The following MANBA variants were observed in gnomAD, a reference collection of about 807,000 sequenced individuals.
MANBA encodes mannosidase beta.
Under a neutral mutation model 111.1 loss-of-function variants are expected in MANBA, and 83 were observed. The ratio of observed to expected loss-of-function variants is 0.75; its 90% CI spans 0.63 to 0.90. MANBA has a LOEUF of 0.90. Among genes scored for constraint, MANBA ranks in the 40% least tolerant of loss-of-function variants. The pLI, the probability that MANBA is intolerant of heterozygous loss-of-function variation, is 0.00. For missense variants in MANBA, 1,036 were observed against 1,069.0 expected, an observed-to-expected ratio of 0.97 and a Z score of 0.43; for synonymous variants, 370 against 378.7, an observed-to-expected ratio of 0.98 and a Z score of 0.27.
At chr4:102,653,006 T>G (rs1730404044) in intron 12 of MANBA, among the ~76,000 whole-genome samples, 1 of 152,174 alleles carries the variant, frequency 6.6e-6, no homozygotes, top group Non-Finnish European at 1.5e-5. Flanking sequence ...CCAAATCTAA[T>G]GCAGTCTAGC....
chr4:102,754,641 C>A (rs966232736), intron 1 of MANBA, among the ~76,000 whole-genome samples: 2 of 151,840 alleles, frequency 1.3e-5, no homozygotes, highest in African/African-American at 4.8e-5. Context: ...ATTGCAAGCT[C>A]CACCTCCCGG....
intron 12 of MANBA, among the ~76,000 whole-genome samples, chr4:102,651,063 T>C (rs1310460905): frequency 6.6e-6 from 1 of 151,942 alleles, no homozygotes; most frequent in Admixed American, 6.6e-5. Context: ...AAACATTTTA[T>C]CTAGTATTCG....
At chr4:102,683,024 T>C (rs1482095904) in intron 7 of MANBA, 2 of 152,204 alleles carry the variant, frequency 1.3e-5, no homozygotes, top group African/African-American at 2.4e-5. Flanking sequence ...CCTAATTCCA[T>C]ATCTTTGGCT....
intron 13 of MANBA, among the ~76,000 whole-genome samples, chr4:102,649,761 A>G (rs1730250899): frequency 6.6e-6 from 1 of 152,118 alleles, no homozygotes; most frequent in African/African-American, 2.4e-5. Context: ...TAATTTATCA[A>G]TACTTTCTTT....
At chr4:102,753,519 A>G (rs1723887151) in intron 1 of MANBA, among the ~76,000 whole-genome samples, 1 of 152,174 alleles carries the variant, frequency 6.6e-6, no homozygotes, top group Admixed American at 6.5e-5. Context: ...AATTCTTCAA[A>G]TCATGAGTTA....
At position 102,690,787 on chromosome 4, in the gene MANBA, A is replaced by G. The variant is rs1473653963; in HGVS notation, c.674-16T>C. On this transcript the variant is annotated splice_polypyrimidine_tract_variant and intron_variant, in intron 5 of 16. Transcript: ENST00000647097. ...GCACTCTTATCTAAAATATAAAAAG[A>G]AAAAGAAATATATATATATATATAT... The G allele has an allele frequency of 4.7e-6, 5 of 1,060,598 alleles. No homozygotes were observed. The highest frequency in any genetic ancestry group is 5.3e-6 in the Non-Finnish European group (4 of 750,202). The allele number at this position is 1,060,598 out of a possible 1,614,324, so 65.7% of individuals were successfully genotyped here.
chr4:102,689,592 A>G lies in MANBA; in HGVS notation c.942T>C (p.Asn314=). The G allele has an allele frequency of 6.3e-7, 1 of 1,598,298 alleles. No individual in the cohort carries two copies. Among genetic ancestry groups the G allele is most frequent in the Non-Finnish European group, 8.6e-7 (1 of 1,167,888 alleles). The change falls in exon 7 of 17, where the codon AAT becomes AAC. Residue 314 remains asparagine (N), a synonymous_variant. Transcript: ENST00000647097. ...TVLFELDGGL[N]IEKSAKVYFR... is the part of the protein sequence containing the mutation. Reference sequence around the variant, plus strand: ...TACTTACCTTAGCTGATTTTTCAATATTTAAGCCTCCATCCAGTTCAAAAA... The same window carrying G: ...TACTTACCTTAGCTGATTTTTCAATGTTTAAGCCTCCATCCAGTTCAAAAA...
chr4:102,742,655 G>A (rs1181341772), intron 1 of MANBA, among the ~76,000 whole-genome samples: 1 of 152,164 alleles, frequency 6.6e-6, no homozygotes, highest in African/African-American at 2.4e-5. Flanking sequence ...CTTGGTCAGA[G>A]GCAATGCTGT....
intron 14 of MANBA, among the ~76,000 whole-genome samples, chr4:102,638,476 G>T (rs34349956): frequency 0.55 from 82,696 of 151,010 alleles, 23,004 homozygotes; most frequent in African/African-American, 0.63. Context: ...TGAGTGTCTT[G>T]TTTCCCACAG....
intron 11 of MANBA, among the ~76,000 whole-genome samples, chr4:102,660,670 G>A (rs1472027167): frequency 6.6e-6 from 1 of 151,306 alleles, no homozygotes; most frequent in Non-Finnish European, 1.5e-5. Flanking sequence ...CACCCAGGCT[G>A]GTCTCAAACT....
chr4:102,680,419 T>C (rs1436981932), intron 7 of MANBA, among the ~76,000 whole-genome samples: 3 of 152,164 alleles, frequency 2.0e-5, no homozygotes, highest in African/African-American at 7.2e-5. Context: ...CACATTTTCT[T>C]TGGATTACAT....
At chr4:102,709,331 A>AAGG (rs1721925820) in intron 5 of MANBA, among the ~76,000 whole-genome samples, 5 of 133,262 alleles carry the variant, frequency 3.8e-5, no homozygotes, top group African/African-American at 1.5e-4. Flanking sequence ...AAAGAAAAAG[A>AAGG]AAGGAAGGAA....
intron 12 of MANBA, 23 bp downstream of exon 12, chr4:102,657,656 CATT>C: frequency 6.5e-7 from 1 of 1,538,930 alleles, no homozygotes; most frequent in Non-Finnish European, 9.0e-7. Context: ...CATTCTGAAA[CATT>C]AGAAAATCAA....
intron 1 of MANBA, chr4:102,728,379 T>C (rs1205668239): frequency 1.9e-6 from 1 of 520,098 alleles, no homozygotes; most frequent in African/African-American, 2.0e-5. Context: ...CTTTGAATCT[T>C]AGCCAGGCTG....
intron 5 of MANBA, among the ~76,000 whole-genome samples, chr4:102,696,770 CT>C (rs1049674212): frequency 6.6e-6 from 1 of 152,144 alleles, no homozygotes; most frequent in Non-Finnish European, 1.5e-5. Context: ...CTTCCTCCAT[CT>C]TTAATAGAGT....
chr4:102,679,305 A>G (rs1204937163), intron 7 of MANBA, among the ~76,000 whole-genome samples: 2 of 152,102 alleles, frequency 1.3e-5, no homozygotes, highest in Non-Finnish European at 2.9e-5. Context: ...ACCAGATAGG[A>G]TCACTTTTTA....
rs1015018860 is a variant in MANBA, at chr4:102,673,928, G to T, written c.1103C>A (p.Thr368Asn). 1.2e-6 allele frequency: 2 copies of T among 1,610,126 alleles called. No homozygotes were observed. Among genetic ancestry groups the T allele is most frequent in the Non-Finnish European group, 1.7e-6 (2 of 1,176,550 alleles). Reference sequence around the variant, plus strand: ...AAAGACAATAACTTACAACTCAGAGGTTACTCGGTCCTGGAATGAATCTGC... The same window carrying T: ...AAAGACAATAACTTACAACTCAGAGTTTACTCGGTCCTGGAATGAATCTGC... Reference protein sequence around the residue: ...IPADSFQDRVTSELLRLLLQS... With the variant: ...IPADSFQDRVNSELLRLLLQS... Residue 368 changes from threonine to asparagine, a missense_variant, in exon 8 of 17, where the codon ACC becomes AAC. By Grantham distance (65) the Thr-to-Asn change is moderately conservative. Coordinates refer to ENST00000647097, the MANE Select transcript of MANBA (RefSeq NM_005908.4).
At chr4:102,665,739 G>A (rs1731191033) in intron 10 of MANBA, 3 of 152,154 alleles carry the variant, frequency 2.0e-5, no homozygotes, top group African/African-American at 4.8e-5. Context: ...CTCTGAGAAT[G>A]GCAGAGTGAG....
rs1405833296 is a variant in MANBA at position 102,729,924 on chromosome 4, T to C, written c.178-3241A>G. ...CTCCTGGGTGCGCACAGCCTGGATG[T>C]TGGGGTCCACCTCCAGGTTAAGGGG... is the stretch of plus-strand genomic sequence containing the variant. On this transcript the variant is annotated intron_variant, in intron 1 of 16. Transcript: ENST00000647097. 8.1e-6 allele frequency: 12 copies of C among 1,473,756 alleles called. No individual in the cohort carries two copies. In the Admixed American group the frequency reaches 1.0e-4, roughly 12 times the overall value. 91.3% of individuals were successfully genotyped at this position (1,473,756 alleles called of 1,614,324 possible).
Sources: gnomAD v4.1 joint callset for allele counts (sites outside exome capture counted in the v4.1 genomes callset) on GRCh38, gnomAD v4.1.1 for gene constraint, MANE v1.5 for transcripts, NCBI Gene and HGNC (gene_info 2026-07-23, HGNC 2026-07-21) for gene names.